Variants in LIPC observed in about 807,000 individuals in gnomAD.
LIPC encodes the protein lipase C, hepatic type.
LIPC carries 44 observed loss-of-function variants against 50.7 expected under a neutral mutation model. That is an observed-to-expected ratio of 0.87 (90% CI 0.68 to 1.11). The LOEUF (loss-of-function observed/expected upper bound fraction) is 1.11, where lower values mean the gene tolerates loss of function less well. LIPC is among the 50% of genes most tolerant of loss of function. LIPC has a pLI of 0.00. For synonymous variants in LIPC, 271 were observed against 256.4 expected, an observed-to-expected ratio of 1.06 and a Z score of -0.54; for missense variants, 697 against 648.2, an observed-to-expected ratio of 1.08 and a Z score of -0.82.
chr15:58,526,543 C>G (rs182378586), intron 1 of LIPC, among the ~76,000 whole-genome samples: 1 of 152,326 alleles, frequency 6.6e-6, no homozygotes, highest in East Asian at 1.9e-4. Context: ...GAAATCCTCA[C>G]TCCAAGGAGG....
chr15:58,440,655 A>G (rs774861891), intron 1 of LIPC, among the ~76,000 whole-genome samples: 17 of 152,314 alleles, frequency 1.1e-4, no homozygotes, highest in Admixed American at 4.6e-4. Flanking sequence ...AGAGGCGCAT[A>G]ATTTCAACAC....
chr15:58,551,234 T>A (rs1390001562), intron 6 of LIPC, among the ~76,000 whole-genome samples: 1 of 152,054 alleles, frequency 6.6e-6, no homozygotes, highest in Non-Finnish European at 1.5e-5. Context: ...CAGTTTCACT[T>A]GCTAGTGGAA....
At chr15:58,553,347 A>G (rs930281168) in intron 6 of LIPC, among the ~76,000 whole-genome samples, 3 of 152,190 alleles carry the variant, frequency 2.0e-5, no homozygotes, top group African/African-American at 7.2e-5. Flanking sequence ...TGAAGTCCCA[A>G]CACTCTGGGA....
chr15:58,477,230 G>A (rs1891030672), intron 1 of LIPC, among the ~76,000 whole-genome samples: 1 of 152,218 alleles, frequency 6.6e-6, no homozygotes, highest in African/African-American at 2.4e-5. Context: ...AATCTGCCTT[G>A]ATTTTGTCTG....
At chr15:58,439,108 T>A (rs1202988476) in intron 1 of LIPC, among the ~76,000 whole-genome samples, 2 of 152,132 alleles carry the variant, frequency 1.3e-5, no homozygotes, top group African/African-American at 4.8e-5. Flanking sequence ...GGAAGATGTG[T>A]AGGTGGCGAC....
rs747303085 is a variant in LIPC at position 58,565,250 on chromosome 15, A to G, written c.1388+1527A>G. ...TTCTGCACTGAGCTCTTCTCACATG[A>G]CTCTTTGGCCCATTGGAGCAGCGCT... On this transcript the variant is annotated intron_variant, in intron 8 of 8. Transcript: ENST00000299022. The G allele has an allele frequency of 1.7e-5, 26 of 1,535,002 alleles. No individual in the cohort carries two copies. In the South Asian group the frequency reaches 3.0e-4, roughly 18 times the overall value.
intron 6 of LIPC, among the ~76,000 whole-genome samples, chr15:58,556,965 T>C (rs1893974549): frequency 6.6e-6 from 1 of 152,246 alleles, no homozygotes; most frequent in Non-Finnish European, 1.5e-5. Context: ...AAATAGTAGT[T>C]ATCATAATTG....
intron 1 of LIPC, among the ~76,000 whole-genome samples, chr15:58,504,894 C>T (rs1173024974): frequency 6.6e-6 from 1 of 152,178 alleles, no homozygotes; most frequent in East Asian, 1.9e-4. Context: ...GCCTGCCATG[C>T]TTCTGGTAGC....
chr15:58,517,062 C>A (rs1832060230), intron 1 of LIPC, among the ~76,000 whole-genome samples: 1 of 152,200 alleles, frequency 6.6e-6, no homozygotes, highest in African/African-American at 2.4e-5. Context: ...TAGTCTAGGG[C>A]AAATTTGCCC....
At chr15:58,517,876 G>A (rs1305888674) in intron 1 of LIPC, among the ~76,000 whole-genome samples, 1 of 152,224 alleles carries the variant, frequency 6.6e-6, no homozygotes, top group Non-Finnish European at 1.5e-5. Context: ...TGACAGACGA[G>A]GAAATCAGCC....
intron 1 of LIPC, among the ~76,000 whole-genome samples, chr15:58,489,307 C>T (rs148181794): frequency 1.2e-4 from 17 of 146,510 alleles, no homozygotes; most frequent in Non-Finnish European, 2.2e-4. Context: ...TCTTCCTATT[C>T]GCTGCATAGA....
intron 1 of LIPC, among the ~76,000 whole-genome samples, chr15:58,506,393 C>G (rs1364896971): frequency 6.6e-6 from 1 of 152,174 alleles, no homozygotes; most frequent in Non-Finnish European, 1.5e-5. Context: ...ACTGAAAGGG[C>G]ACCCTCCCAC....
At chr15:58,564,047 G>GTGAT in intron 8 of LIPC, 1 of 413,618 alleles carries the variant, frequency 2.4e-6, no homozygotes, top group South Asian at 2.2e-5. Context: ...ACCAGGTGAT[G>GTGAT]TCAGTGCTGC....
At chr15:58,474,620 T>G (rs1191597477) in intron 1 of LIPC, among the ~76,000 whole-genome samples, 3 of 151,942 alleles carry the variant, frequency 2.0e-5, no homozygotes, top group Non-Finnish European at 4.4e-5. Flanking sequence ...AAACAAGGTC[T>G]CCCCTACGTT....
At chr15:58,457,538 G>A (rs537304464) in intron 1 of LIPC, among the ~76,000 whole-genome samples, 2 of 152,310 alleles carry the variant, frequency 1.3e-5, no homozygotes, top group East Asian at 3.9e-4. Context: ...TTGTTTCTCT[G>A]TGCCCCACAT....
At chr15:58,445,252 C>T (rs1893653611) in intron 1 of LIPC, among the ~76,000 whole-genome samples, 1 of 152,236 alleles carries the variant, frequency 6.6e-6, no homozygotes, top group African/African-American at 2.4e-5. Context: ...ATGAAACTCA[C>T]CCTCTGGCTT....
chr15:58,545,853 G>A lies in LIPC; in HGVS notation c.686G>A (p.Gly229Asp). ...AIHTFTREHM[G>D]LSVGIKQPIG... ...CATACCTTTACCCGGGAGCACATGG[G>A]CCTGAGCGTGGGCATCAAACAGCCC... Residue 229 changes from glycine (G) to aspartate (D), a missense_variant, in exon 5 of 9, where the codon GGC becomes GAC. Gly to Asp is a moderately conservative substitution (Grantham distance 94). Coordinates refer to ENST00000299022, the MANE Select transcript of LIPC (RefSeq NM_000236.3). 1.2e-6 allele frequency: 2 copies of A among 1,614,142 alleles called. No homozygotes were observed. Among genetic ancestry groups the A allele is most frequent in the Non-Finnish European group, 8.5e-7 (1 of 1,180,004 alleles).
chr15:58,492,069 G>T (rs1193601822), intron 1 of LIPC, among the ~76,000 whole-genome samples: 1 of 152,154 alleles, frequency 6.6e-6, no homozygotes, highest in African/African-American at 2.4e-5. Context: ...GAGAGGGACT[G>T]TCCCTGCCAA....
At chr15:58,565,473 C>T (rs1894335208) in intron 8 of LIPC, 2 of 1,405,636 alleles carry the variant, frequency 1.4e-6, no homozygotes, top group East Asian at 5.1e-5. Context: ...CCTTCCAGGG[C>T]TCCCACACGG....
Sources: allele counts gnomAD v4.1 joint callset (sites outside exome capture counted in the v4.1 genomes callset), GRCh38; gene constraint gnomAD v4.1.1; transcripts MANE v1.5; gene names NCBI Gene and HGNC (gene_info 2026-07-23, HGNC 2026-07-21).